HNF1B: variants seen among roughly 807,000 people sequenced by gnomAD.
HNF1B encodes the protein hepatocyte nuclear factor 1-beta.
A neutral mutation model predicts 61.7 loss-of-function variants in HNF1B; 8 were observed. The ratio of observed to expected loss-of-function variants is 0.13; its 90% CI spans 0.08 to 0.23. HNF1B has a LOEUF of 0.23. HNF1B is among the 10% of genes least tolerant of loss of function. The probability of loss-of-function intolerance (pLI) is 1.00; values close to 1 mark genes in which losing one functional copy is unlikely to be tolerated. For synonymous variants in HNF1B, 314 were observed against 287.7 expected (o/e 1.09, Z -0.93); for missense variants, 562 against 714.5 (o/e 0.79, Z 2.43).
At chr17:37,712,907 A>G (rs1047557051) in intron 4 of HNF1B, among the ~76,000 whole-genome samples, 4 of 152,160 alleles carry the variant, frequency 2.6e-5, no homozygotes, top group African/African-American at 9.7e-5. Context: ...TTGCCCTAAG[A>G]TCCTAGAATT....
intron 4 of HNF1B, among the ~76,000 whole-genome samples, chr17:37,728,451 C>A (rs1222084440): frequency 1.3e-5 from 2 of 152,058 alleles, no homozygotes; most frequent in Non-Finnish European, 2.9e-5. Context: ...GGACTACAGG[C>A]ACCCGCCACC....
Position 37,686,673 on chromosome 17 carries a change from CA to C in HNF1B, c.*698del, listed in dbSNP as rs2031979869. 6.1e-6 allele frequency: 1 copy of C among 165,140 alleles called. No individual in the cohort carries two copies. The highest frequency in any genetic ancestry group is 1.4e-4 in the South Asian group (1 of 6,904). 10.2% of individuals were successfully genotyped at this position (165,140 alleles called of 1,614,324 possible). ...TAGTCAGTCCAAGGTATGCTGTCCC[CA>C]TAAGTGTCCAGGCCCGCGGGAGAGG... On this transcript the variant is annotated 3_prime_UTR_variant, in exon 9 of 9. Coordinates refer to ENST00000617811, the MANE Select transcript of HNF1B (RefSeq NM_000458.4).
rs1406430055 is a variant in HNF1B at position 37,699,166 on chromosome 17, C to G, written c.1563G>C (p.Gln521His). Residue 521 changes from glutamine (Q) to histidine (H), a missense_variant, in exon 8 of 9, where the codon CAG becomes CAC. Around this residue, in one of 6 missense-constraint regions of HNF1B, gnomAD observed 64 missense variants for 96.9 expected, o/e 0.66. Transcript: ENST00000617811. ...HMYAHKQEPP[Q>H]YSHTSRFPSA... ...ATGGAAACCGGGAGGTGTGGGAATACTGGGGGGGTTCCTGCTTGTGTGCGT... is the reference window on the plus strand; with the variant it reads ...ATGGAAACCGGGAGGTGTGGGAATAGTGGGGGGGTTCCTGCTTGTGTGCGT... 6.2e-7 allele frequency: 1 copy of G among 1,614,004 alleles called. No homozygotes were observed. The highest frequency in any genetic ancestry group is 2.2e-5 in the East Asian group (1 of 44,898).
intron 5 of HNF1B, among the ~76,000 whole-genome samples, chr17:37,708,654 C>T (rs2032831380): frequency 1.3e-5 from 2 of 152,220 alleles, no homozygotes; most frequent in South Asian, 4.1e-4. Context: ...TTGTTTGGGA[C>T]ACTCTTGAGA....
intron 4 of HNF1B, among the ~76,000 whole-genome samples, chr17:37,724,916 GTGTGT>G (rs2033443770): frequency 7.4e-6 from 1 of 135,030 alleles, no homozygotes; most frequent in Non-Finnish European, 1.6e-5. Context: ...GTGTGTGTGT[GTGTGT>G]GTGTGTGTGT....
intron 6 of HNF1B, 93 bp from the exon 7 acceptor site, chr17:37,701,270 T>A (rs2032562148): frequency 8.0e-7 from 1 of 1,248,420 alleles, no homozygotes; most frequent in Admixed American, 2.0e-5. Context: ...AATGTCCCAG[T>A]CACCGGGCTG....
In HNF1B at chr17:37,731,806, C is replaced by T. The variant is rs536655379; in HGVS notation, c.834G>A (p.Val278=). The change falls in exon 4 of 9, where the codon GTG becomes GTA. Residue 278 remains valine, a synonymous_variant. Coordinates refer to ENST00000617811, the MANE Select transcript of HNF1B (RefSeq NM_000458.4). ...CNRAECLQRG[V]SPSKAHGLGS... ...CCAGGCCGTGGGCTTTGGAGGGGGA[C>T]ACCCCTCGCTGCAAACATTCTGCCC... is the stretch of plus-strand genomic sequence containing the variant. 5 of 1,613,014 alleles carry T rather than the reference C, an allele frequency of 3.1e-6. No homozygotes were observed. In the South Asian group the frequency reaches 4.4e-5, roughly 14 times the overall value.
At chr17:37,690,893 G>A (rs1299325784) in intron 8 of HNF1B, among the ~76,000 whole-genome samples, 2 of 152,218 alleles carry the variant, frequency 1.3e-5, no homozygotes, top group Non-Finnish European at 2.9e-5. Flanking sequence ...AGAATTACAG[G>A]AACCATCGGC....
At position 37,687,243 on chromosome 17, in the gene HNF1B, T is replaced by G. The variant is rs1475915019; in HGVS notation, c.*129A>C. 2 of 1,489,968 alleles carry G rather than the reference T, an allele frequency of 1.3e-6. No individual in the cohort carries two copies. Among genetic ancestry groups the G allele is most frequent in the Non-Finnish European group, 1.9e-6 (2 of 1,073,992 alleles). 92.3% of individuals were successfully genotyped at this position (1,489,968 alleles called of 1,614,324 possible). ...GTCTGAGGTGCCAGCAGGACGTCCG[T>G]CAGGTAAGCAGGGACCTCTCGCAGG... On this transcript the variant is annotated 3_prime_UTR_variant, in exon 9 of 9. Coordinates refer to ENST00000617811, the MANE Select transcript of HNF1B (RefSeq NM_000458.4).
intron 7 of HNF1B, among the ~76,000 whole-genome samples, chr17:37,699,990 C>A (rs567651795): frequency 6.6e-6 from 1 of 152,206 alleles, no homozygotes; most frequent in East Asian, 1.9e-4. Context: ...GCTTACCAAA[C>A]GCAGTTTACC....
intron 8 of HNF1B, among the ~76,000 whole-genome samples, chr17:37,693,361 C>T (rs1220932640): frequency 6.6e-6 from 1 of 151,980 alleles, no homozygotes; most frequent in Admixed American, 6.6e-5. Context: ...GTGGGATTTT[C>T]CCCATTTATA....
intron 4 of HNF1B, among the ~76,000 whole-genome samples, chr17:37,719,066 A>C (rs1344668524): frequency 3.3e-5 from 5 of 152,078 alleles, no homozygotes; most frequent in Non-Finnish European, 5.9e-5. Flanking sequence ...GCCCCCAAAA[A>C]TAGTTGAGAC....
rs1463022786 is a variant in HNF1B, at chr17:37,700,995, G to C, written c.1522C>G (p.Gln508Glu). 9 of 1,556,518 alleles carry C rather than the reference G, an allele frequency of 5.8e-6. No homozygotes were observed. Among genetic ancestry groups the C allele is most frequent in the Non-Finnish European group, 7.8e-6 (9 of 1,149,918 alleles). Residue 508 changes from glutamine (Q) to glutamate (E), a missense_variant, in exon 7 of 9, where the codon CAG becomes GAG. Coordinates refer to ENST00000617811, the MANE Select transcript of HNF1B (RefSeq NM_000458.4). ...CCCGTGTCCTTACTGTGTGAGTTCT[G>C]CAGCTGAGTCACAGCTGCCATGAAG... ...QPFMAAVTQL[Q>E]NSHMYAHKQE...
At position 37,728,087 on chromosome 17, in the gene HNF1B, C is replaced by T. The variant is rs958628052; in HGVS notation, c.1045+3508G>A. Among the ~76,000 whole-genome samples, 10 of 152,020 alleles carry T rather than the reference C, an allele frequency of 6.6e-5. No individual in the cohort carries two copies. The East Asian group carries it at 1.4e-3, about 21-fold the overall frequency. On this transcript the variant is annotated intron_variant, in intron 4 of 8. Coordinates refer to ENST00000617811, the MANE Select transcript of HNF1B (RefSeq NM_000458.4). Reference sequence around the variant, plus strand: ...TCGGCTCACTGCAACCTCCACTTCCCGCCTCCCGGGTTCAAGCGATTCTCC... The same window carrying T: ...TCGGCTCACTGCAACCTCCACTTCCTGCCTCCCGGGTTCAAGCGATTCTCC...
At chr17:37,744,296 G>A (rs940811486) in intron 1 of HNF1B, among the ~76,000 whole-genome samples, 3 of 152,278 alleles carry the variant, frequency 2.0e-5, no homozygotes, top group African/African-American at 7.2e-5. Flanking sequence ...CAGCCCCGCG[G>A]GGAAAAGCCC....
intron 4 of HNF1B, among the ~76,000 whole-genome samples, chr17:37,726,408 G>T (rs2033498844): frequency 6.6e-6 from 1 of 152,186 alleles, no homozygotes; most frequent in South Asian, 2.1e-4. Context: ...ATGCATGGAG[G>T]AACTCGGCCC....
intron 6 of HNF1B, among the ~76,000 whole-genome samples, chr17:37,703,932 C>T (rs1378112280): frequency 1.3e-5 from 2 of 152,082 alleles, no homozygotes; most frequent in African/African-American, 2.4e-5. Flanking sequence ...AAGGCAGAAA[C>T]AAAACAAAGA....
intron 4 of HNF1B, among the ~76,000 whole-genome samples, chr17:37,723,971 G>T (rs1226157728): frequency 2.0e-5 from 3 of 152,200 alleles, no homozygotes; most frequent in African/African-American, 7.2e-5. Flanking sequence ...GTTGGAATTT[G>T]GGTCTGCCTC....
intron 4 of HNF1B, among the ~76,000 whole-genome samples, chr17:37,724,031 C>A (rs1441211249): frequency 5.9e-5 from 9 of 152,262 alleles, no homozygotes; most frequent in Admixed American, 5.9e-4. Flanking sequence ...AAGAGCATTT[C>A]CCCATATTAG....
Sources: gnomAD v4.1 joint callset for allele counts (sites outside exome capture counted in the v4.1 genomes callset) on GRCh38, gnomAD v4.1.1 for gene constraint, gnomAD v4.1.1 regional missense constraint, MANE v1.5 for transcripts, NCBI Gene and HGNC (gene_info 2026-07-23, HGNC 2026-07-21) for gene names.